OPCML: variants seen among roughly 807,000 people sequenced by gnomAD.
OPCML encodes opioid-binding protein/cell adhesion molecule.
OPCML carries 13 observed loss-of-function variants against 37.8 expected under a neutral mutation model. The observed-to-expected ratio is 0.34, with a 90% confidence interval of 0.22 to 0.55. The LOEUF is 0.55. OPCML is among the 20% of genes least tolerant of loss of function. OPCML has a pLI of 0.91. For synonymous variants in OPCML, 176 were observed against 168.8 expected, an observed-to-expected ratio of 1.04 and a Z score of -0.33; for missense variants, 341 against 435.6, an observed-to-expected ratio of 0.78 and a Z score of 1.93.
At chr11:132,791,692 G>A (rs12796925) in intron 2 of OPCML, among the ~76,000 whole-genome samples, 11,485 of 152,168 alleles carry the variant, frequency 0.075, 478 homozygotes, top group Non-Finnish European at 0.092. Context: ...GCACTCGGCT[G>A]CCTCATAAAT....
At chr11:132,479,314 G>A (rs1050657051) in intron 4 of OPCML, among the ~76,000 whole-genome samples, 5 of 152,156 alleles carry the variant, frequency 3.3e-5, no homozygotes, top group Admixed American at 6.5e-5. Context: ...GCGCTTTTCC[G>A]ACGGGCTTAA....
chr11:133,121,688 A>G (rs476637), intron 1 of OPCML, among the ~76,000 whole-genome samples: 1 of 152,040 alleles, frequency 6.6e-6, no homozygotes, highest in Non-Finnish European at 1.5e-5. Flanking sequence ...TCTCATAAAT[A>G]TTTTAATTTA....
chr11:133,519,071 A>T (rs546060620), intron 1 of OPCML, among the ~76,000 whole-genome samples: 16 of 152,106 alleles, frequency 1.1e-4, no homozygotes, highest in Middle Eastern at 6.8e-3. Context: ...GTGCACTGTG[A>T]GCTCCCGTTG....
At chr11:132,575,878 C>T (rs1008872872) in intron 3 of OPCML, among the ~76,000 whole-genome samples, 1 of 151,888 alleles carries the variant, frequency 6.6e-6, no homozygotes, top group Non-Finnish European at 1.5e-5. Flanking sequence ...TCTTTTTTGT[C>T]TTCTATTTTT....
chr11:133,364,377 T>C (rs1267653165), intron 1 of OPCML, among the ~76,000 whole-genome samples: 1 of 152,200 alleles, frequency 6.6e-6, no homozygotes, highest in African/African-American at 2.4e-5. Context: ...AACAGAGCAG[T>C]AGTAGAGGTG....
chr11:133,025,896 G>A (rs1565404211), intron 1 of OPCML: 1 of 175,688 alleles, frequency 5.7e-6, no homozygotes, highest in African/African-American at 2.4e-5. Flanking sequence ...ACCAAGCCTG[G>A]CTAATTTTTT....
intron 2 of OPCML, among the ~76,000 whole-genome samples, chr11:132,850,337 A>T (rs958198802): frequency 2.6e-5 from 4 of 152,204 alleles, no homozygotes; most frequent in Non-Finnish European, 5.9e-5. Context: ...AAATTAGATC[A>T]ATCCCCCTTT....
rs2096428017 is a variant in OPCML at position 132,568,024 on chromosome 11, C to A, written c.380-38838G>T. Among the ~76,000 whole-genome samples the A allele has an allele frequency of 4.1e-5, 6 of 147,878 alleles. No homozygotes were observed. The Admixed American group carries it at 4.1e-4, about 10-fold the overall frequency. ...AAAGGGGTCCCTGGACCGAATAGAT[C>A]TGTGTGTGTGTGTGTGTGCGCGCGC... On this transcript the variant is annotated intron_variant, in intron 3 of 7. Transcript: ENST00000524381.
intron 1 of OPCML, among the ~76,000 whole-genome samples, chr11:133,351,269 C>T (rs2136692515): frequency 6.6e-6 from 1 of 152,276 alleles, no homozygotes; most frequent in Non-Finnish European, 1.5e-5. Context: ...TCTCCTTTCT[C>T]ATGTCCCATT....
intron 1 of OPCML, among the ~76,000 whole-genome samples, chr11:133,184,289 C>T (rs1033296681): frequency 6.6e-5 from 10 of 152,190 alleles, no homozygotes; most frequent in African/African-American, 4.8e-5. Context: ...ACTGCTGTAA[C>T]TGAGGACAAG....
chr11:133,430,303 A>C (rs1366885541), intron 1 of OPCML, among the ~76,000 whole-genome samples: 1 of 152,238 alleles, frequency 6.6e-6, no homozygotes, highest in Non-Finnish European at 1.5e-5. Context: ...AAGACTACTA[A>C]GAGCATTGCT....
At chr11:133,265,206 C>T (rs1042132315) in intron 1 of OPCML, among the ~76,000 whole-genome samples, 12 of 152,310 alleles carry the variant, frequency 7.9e-5, no homozygotes, top group African/African-American at 2.9e-4. Context: ...CCTGAAACCA[C>T]TCATACTTGG....
intron 7 of OPCML, among the ~76,000 whole-genome samples, chr11:132,421,008 C>A (rs565391232): frequency 6.6e-6 from 1 of 152,138 alleles, no homozygotes; most frequent in South Asian, 2.1e-4. Context: ...TCTCTCTGGC[C>A]CCTTCCTGTA....
intron 2 of OPCML, among the ~76,000 whole-genome samples, chr11:132,792,895 A>C (rs1202698073): frequency 6.6e-6 from 1 of 152,068 alleles, no homozygotes; most frequent in Non-Finnish European, 1.5e-5. Flanking sequence ...TCTAATCCCT[A>C]CCTGATAATG....
At chr11:133,213,539 A>C (rs191360853) in intron 1 of OPCML, among the ~76,000 whole-genome samples, 238 of 152,328 alleles carry the variant, frequency 1.6e-3, no homozygotes, top group African/African-American at 5.3e-3. Flanking sequence ...TAATAATAAC[A>C]GTTTTGATTT....
chr11:132,853,647 G>A (rs1941914405), intron 2 of OPCML, among the ~76,000 whole-genome samples: 2 of 152,070 alleles, frequency 1.3e-5, no homozygotes, highest in Non-Finnish European at 1.5e-5. Flanking sequence ...TATACTTTCT[G>A]TTTTCATAGA....
At chr11:132,592,177 A>T (rs182742722) in intron 3 of OPCML, among the ~76,000 whole-genome samples, 145 of 152,354 alleles carry the variant, frequency 9.5e-4, no homozygotes, top group Middle Eastern at 3.4e-3. Context: ...TGTCTAAGTG[A>T]GGAATATTTT....
At chr11:132,991,289 G>A (rs946713559) in intron 1 of OPCML, among the ~76,000 whole-genome samples, 1 of 152,100 alleles carries the variant, frequency 6.6e-6, no homozygotes, top group Non-Finnish European at 1.5e-5. Flanking sequence ...GATTATCAGT[G>A]ACATTTTCTC....
At position 132,993,971 on chromosome 11, in the gene OPCML, T is replaced by G. The variant is rs1180844197; in HGVS notation, c.62-50961A>C. On this transcript the variant is annotated intron_variant, in intron 1 of 7. Transcript: ENST00000524381. ...TTAAATATGGATTGGAAAGTCTCCC[T>G]GAGTATTCTTCCCCGCATCTCTCCA... Among the ~76,000 whole-genome samples the G allele has an allele frequency of 5.3e-5, 8 of 152,224 alleles. No homozygotes were observed. The South Asian group carries it at 1.0e-3, about 20-fold the overall frequency.
Sources: allele counts gnomAD v4.1 joint callset (sites outside exome capture counted in the v4.1 genomes callset), GRCh38; gene constraint gnomAD v4.1.1; transcripts MANE v1.5; gene names NCBI Gene and HGNC (gene_info 2026-07-23, HGNC 2026-07-21).